Variants in ST3GAL1 observed in about 807,000 individuals in gnomAD.
ST3GAL1 encodes the protein ST3 beta-galactoside alpha-2,3-sialyltransferase 1.
In ST3GAL1, 16 loss-of-function variants were observed where a neutral mutation model predicts 34.1. The observed-to-expected ratio is 0.47, with a 90% confidence interval of 0.32 to 0.71. The LOEUF (loss-of-function observed/expected upper bound fraction) is 0.71, where lower values mean the gene tolerates loss of function less well. Among genes scored for constraint, ST3GAL1 ranks in the 30% least tolerant of loss-of-function variants. The pLI, the probability that ST3GAL1 is intolerant of heterozygous loss-of-function variation, is 0.04. For synonymous variants in ST3GAL1, 191 were observed against 184.7 expected, an observed-to-expected ratio of 1.03 and a Z score of -0.28; for missense variants, 353 against 447.4, an observed-to-expected ratio of 0.79 and a Z score of 1.90.
At position 133,467,178 on chromosome 8, in the gene ST3GAL1, AC is replaced by A. The variant is rs1417044958; in HGVS notation, c.307-1089del. On this transcript the variant is annotated intron_variant, in intron 5 of 9. Transcript: ENST00000522652. The surrounding 1 kb of genome is among the most constrained non-coding windows in gnomAD (Gnocchi z 4.2). ...TCTTATTCCAGGGTGACTAAATATT[AC>A]TTATTTGCCCAGGTTAAGGGGTTTC... is the stretch of plus-strand genomic sequence containing the variant. Among the ~76,000 whole-genome samples, 7 of 151,890 alleles carry A rather than the reference AC, an allele frequency of 4.6e-5. No homozygotes were observed. Among genetic ancestry groups the A allele is most frequent in the Admixed American group, 1.3e-4 (2 of 15,256 alleles).
At position 133,455,220 on chromosome 8, in the gene ST3GAL1, A is replaced by G. The variant is rs963249305; in HGVS notation, c.*4544T>C. On this transcript the variant is annotated 3_prime_UTR_variant, in exon 10 of 10. Coordinates refer to ENST00000522652, the MANE Select transcript of ST3GAL1 (RefSeq NM_173344.3). ...AGGCTAGGGTTAAAGCTGACGTCCC[A>G]CAGCTCAGGACGTACAACCGATGGC... 3 of 152,330 alleles carry G rather than the reference A, an allele frequency of 2.0e-5. No individual in the cohort carries two copies. Among genetic ancestry groups the G allele is most frequent in the African/African-American group, 7.2e-5 (3 of 41,450 alleles). The allele number at this position is 152,330 out of a possible 1,614,324, so 9.4% of individuals were successfully genotyped here.
chr8:133,521,425 A>C (rs549404111), intron 2 of ST3GAL1, among the ~76,000 whole-genome samples: 3 of 152,238 alleles, frequency 2.0e-5, no homozygotes, highest in East Asian at 3.9e-4. Context: ...CAGCCTCCTG[A>C]GTAGCTGGGA....
At chr8:133,539,041 G>GT (rs1456256102) in intron 2 of ST3GAL1, among the ~76,000 whole-genome samples, 1 of 152,160 alleles carries the variant, frequency 6.6e-6, no homozygotes, top group East Asian at 1.9e-4. Flanking sequence ...TTACAAAGGC[G>GT]TAAGGGCCAC....
Position 133,524,256 on chromosome 8 carries a change from T to C in ST3GAL1, c.-429+21518A>G, listed in dbSNP as rs959640850. ...ATTACCCCAATTTTTCAGATGAAAATGTGAAACACAAAGGAGTTAAGAACT... is the reference window on the plus strand; with the variant it reads ...ATTACCCCAATTTTTCAGATGAAAACGTGAAACACAAAGGAGTTAAGAACT... On this transcript the variant is annotated intron_variant, in intron 2 of 9. Transcript: ENST00000522652. Among the ~76,000 whole-genome samples, 4 of 152,204 alleles carry C rather than the reference T, an allele frequency of 2.6e-5. No individual in the cohort carries two copies. In the South Asian group the frequency reaches 8.3e-4, roughly 32 times the overall value.
intron 1 of ST3GAL1, among the ~76,000 whole-genome samples, chr8:133,548,272 T>C (rs1160414483): frequency 6.6e-6 from 1 of 152,136 alleles, no homozygotes; most frequent in East Asian, 1.9e-4. Flanking sequence ...TCCTTGTAAA[T>C]TGTAACTCAG....
At chr8:133,524,808 C>A (rs1211510458) in intron 2 of ST3GAL1, among the ~76,000 whole-genome samples, 1 of 152,272 alleles carries the variant, frequency 6.6e-6, no homozygotes, top group African/African-American at 2.4e-5. Flanking sequence ...AGCAAGACAG[C>A]TGCCACATTC....
intron 7 of ST3GAL1, among the ~76,000 whole-genome samples, 158 bp downstream of exon 7, chr8:133,464,620 C>T (rs1429864546): frequency 1.3e-5 from 2 of 151,860 alleles, no homozygotes; most frequent in African/African-American, 4.8e-5. Flanking sequence ...TTGGAGTAGT[C>T]GGGGAGGCGG....
chr8:133,470,335 C>T (rs1371302976), intron 5 of ST3GAL1, among the ~76,000 whole-genome samples: 1 of 151,866 alleles, frequency 6.6e-6, no homozygotes, highest in Non-Finnish European at 1.5e-5. Flanking sequence ...AGGAGAATCA[C>T]TTGAACCCAG....
intron 1 of ST3GAL1, among the ~76,000 whole-genome samples, chr8:133,567,703 G>C (rs1819444049): frequency 6.6e-6 from 1 of 152,150 alleles, no homozygotes; most frequent in Admixed American, 6.5e-5. Context: ...AAGCGGGTGT[G>C]GGCTCCGAAT....
intron 9 of ST3GAL1, among the ~76,000 whole-genome samples, chr8:133,460,854 C>T (rs576631589): frequency 2.7e-5 from 4 of 150,858 alleles, no homozygotes; most frequent in Non-Finnish European, 2.9e-5. Context: ...AGGGAGAGGA[C>T]GTGCTATCTG....
At chr8:133,474,321 C>T (rs534688000) in intron 5 of ST3GAL1, among the ~76,000 whole-genome samples, 1 of 152,296 alleles carries the variant, frequency 6.6e-6, no homozygotes, top group Admixed American at 6.5e-5. Context: ...CTTCTCTCCC[C>T]ATCACTCCTG....
intron 2 of ST3GAL1, among the ~76,000 whole-genome samples, chr8:133,523,353 C>G (rs1586639573): frequency 1.2e-5 from 1 of 83,736 alleles, no homozygotes; most frequent in Non-Finnish European, 2.6e-5. Flanking sequence ...CTTTCTCCAC[C>G]CTTAGAAGCA....
At position 133,458,857 on chromosome 8, in the gene ST3GAL1, G is replaced by A. The variant is rs556485028; in HGVS notation, c.*907C>T. Reference sequence around the variant, plus strand: ...AGGCATCTGCAGGAGTCAGAAACACGGTGCCAAGTTTGGGGTTTTTTTTCT... The same window carrying A: ...AGGCATCTGCAGGAGTCAGAAACACAGTGCCAAGTTTGGGGTTTTTTTTCT... On this transcript the variant is annotated 3_prime_UTR_variant, in exon 10 of 10. Coordinates refer to ENST00000522652, the MANE Select transcript of ST3GAL1 (RefSeq NM_173344.3). 6.6e-5 allele frequency: 10 copies of A among 151,368 alleles called. No homozygotes were observed. The highest frequency in any genetic ancestry group is 2.5e-4 in the African/African-American group (10 of 40,704). The allele number at this position is 151,368 out of a possible 1,614,324, so 9.4% of individuals were successfully genotyped here.
chr8:133,502,677 T>C (rs1817220483), intron 2 of ST3GAL1, among the ~76,000 whole-genome samples: 2 of 152,196 alleles, frequency 1.3e-5, no homozygotes, highest in Non-Finnish European at 1.5e-5. Context: ...GGACTATAAT[T>C]ATCATCCCCA....
chr8:133,541,110 T>TAGAGAG lies in ST3GAL1; in HGVS notation c.-429+4663_-429+4664insCTCTCT, dbSNP rs1488410302. 4.6e-3 allele frequency among the ~76,000 whole-genome samples: 194 copies of TAGAGAG among 42,012 alleles called. 13 individuals are homozygous for TAGAGAG. Among genetic ancestry groups the TAGAGAG allele is most frequent in the East Asian group, 8.9e-3 (20 of 2,250 alleles). 27.6% of individuals were successfully genotyped at this position (42,012 alleles called of 152,430 possible). The stretch of plus-strand genomic sequence containing the variant: ...ATATATATAAACATATATATATATA[T>TAGAGAG]ATATATATATAGAGAGAGAGAGAGA... On this transcript the variant is annotated intron_variant, in intron 2 of 9. Coordinates refer to ENST00000522652, the MANE Select transcript of ST3GAL1 (RefSeq NM_173344.3).
intron 2 of ST3GAL1, among the ~76,000 whole-genome samples, chr8:133,502,713 C>T (rs1022240387): frequency 6.6e-6 from 1 of 152,224 alleles, no homozygotes; most frequent in African/African-American, 2.4e-5. Flanking sequence ...AGCTGAGGCA[C>T]AGTGTGGTCA....
chr8:133,522,137 G>A (rs1817829909), intron 2 of ST3GAL1, among the ~76,000 whole-genome samples: 1 of 152,180 alleles, frequency 6.6e-6, no homozygotes, highest in Admixed American at 6.5e-5. Flanking sequence ...GAGCTATATA[G>A]AATGGGGAAG....
At chr8:133,501,608 G>T (rs1011081076) in intron 2 of ST3GAL1, among the ~76,000 whole-genome samples, 1 of 152,118 alleles carries the variant, frequency 6.6e-6, no homozygotes, top group African/African-American at 2.4e-5. Flanking sequence ...AATGAGCCAG[G>T]TGTGGTGGCA....
At chr8:133,483,499 A>T (rs1277480001) in intron 3 of ST3GAL1, among the ~76,000 whole-genome samples, 2 of 152,182 alleles carry the variant, frequency 1.3e-5, no homozygotes, top group African/African-American at 4.8e-5. Context: ...TTTGTAAACA[A>T]AAAGGAAAAA....
Sources: gnomAD v4.1 joint callset for allele counts (sites outside exome capture counted in the v4.1 genomes callset) on GRCh38, gnomAD v4.1.1 for gene constraint, Gnocchi (gnomAD v3.1) non-coding constraint, MANE v1.5 for transcripts, NCBI Gene and HGNC (gene_info 2026-07-23, HGNC 2026-07-21) for gene names.